The following CCSER1 variants were observed in gnomAD, a reference collection of about 807,000 sequenced individuals.
The protein encoded by CCSER1 is coiled-coil serine rich protein 1.
Under a neutral mutation model 82.0 loss-of-function variants are expected in CCSER1, and 41 were observed. The ratio of observed to expected loss-of-function variants is 0.50; its 90% confidence interval spans 0.39 to 0.65. The LOEUF is 0.65. CCSER1 is among the 30% of genes least tolerant of loss of function. The pLI, the probability that CCSER1 is intolerant of heterozygous loss-of-function variation, is 0.00. For synonymous variants in CCSER1, 414 were observed against 383.9 expected, an observed-to-expected ratio of 1.08 and a Z score of -0.92; for missense variants, 1,119 against 1,064.2, an observed-to-expected ratio of 1.05 and a Z score of -0.72.
At chr4:90,292,819 C>T (rs1170376429) in intron 1 of CCSER1, among the ~76,000 whole-genome samples, 1 of 151,766 alleles carries the variant, frequency 6.6e-6, no homozygotes, top group Non-Finnish European at 1.5e-5. Flanking sequence ...ATATTACTGC[C>T]TATACTGATT....
At chr4:91,178,235 G>A (rs1318200256) in intron 10 of CCSER1, among the ~76,000 whole-genome samples, 1 of 152,170 alleles carries the variant, frequency 6.6e-6, no homozygotes, top group Non-Finnish European at 1.5e-5. Flanking sequence ...CTCCAACTAT[G>A]TGGTCGGTTT....
intron 10 of CCSER1, among the ~76,000 whole-genome samples, chr4:91,381,791 T>A (rs1398239937): frequency 1.3e-5 from 2 of 152,234 alleles, no homozygotes; most frequent in Non-Finnish European, 2.9e-5. Flanking sequence ...GGTGAGGATC[T>A]GAGTTTCTTT....
intron 9 of CCSER1, among the ~76,000 whole-genome samples, chr4:91,072,163 A>C (rs1721505727): frequency 6.6e-6 from 1 of 152,192 alleles, no homozygotes. Context: ...TACCAAGATG[A>C]GAACTGCTAG....
chr4:90,398,565 TTTG>T (rs147596178), intron 3 of CCSER1, among the ~76,000 whole-genome samples: 3,653 of 152,228 alleles, frequency 0.024, 132 homozygotes, highest in African/African-American at 0.082. Flanking sequence ...TCAATTATGT[TTTG>T]TTGTTGTTGT....
intron 6 of CCSER1, among the ~76,000 whole-genome samples, chr4:90,635,463 C>A (rs1725258865): frequency 6.6e-6 from 1 of 151,440 alleles, no homozygotes; most frequent in African/African-American, 2.4e-5. Flanking sequence ...CTATATAACC[C>A]ACAGACGAAT....
intron 10 of CCSER1, among the ~76,000 whole-genome samples, chr4:91,562,607 T>C (rs2110257796): frequency 6.6e-6 from 1 of 151,670 alleles, no homozygotes; most frequent in Admixed American, 6.6e-5. Flanking sequence ...GTAGACCCAC[T>C]TAGACTCTAT....
intron 9 of CCSER1, among the ~76,000 whole-genome samples, chr4:90,952,584 G>C (rs1352814371): frequency 6.6e-6 from 1 of 152,002 alleles, no homozygotes; most frequent in Non-Finnish European, 1.5e-5. Context: ...AATGGGACTT[G>C]TTTACTATCT....
intron 10 of CCSER1, among the ~76,000 whole-genome samples, chr4:91,576,766 G>T (rs1763471085): frequency 1.3e-5 from 2 of 151,912 alleles, no homozygotes; most frequent in Non-Finnish European, 2.9e-5. Context: ...AGATCGGGGT[G>T]AAATTTTTCA....
chr4:90,391,475 TATATATATATACAC>T (rs1235408829), intron 3 of CCSER1, among the ~76,000 whole-genome samples: 19 of 90,694 alleles, frequency 2.1e-4, no homozygotes, highest in African/African-American at 1.0e-3. Flanking sequence ...TATATATATA[TATATATATATACAC>T]ACACACAGTG....
chr4:91,536,382 A>G (rs1761295858), intron 10 of CCSER1, among the ~76,000 whole-genome samples: 3 of 152,072 alleles, frequency 2.0e-5, no homozygotes, highest in Admixed American at 6.6e-5. Context: ...CATGATAGAG[A>G]GAGAGAGATA....
Position 91,367,195 on chromosome 4 carries a change from T to C in CCSER1, c.2218-231377T>C, listed in dbSNP as rs554754542. 1.6e-3 allele frequency among the ~76,000 whole-genome samples: 233 copies of C among 149,272 alleles called. 1 individual carries two copies. The highest frequency in any genetic ancestry group is 2.1e-3 in the Non-Finnish European group (142 of 67,494). On this transcript the variant is annotated intron_variant, in intron 10 of 10. Transcript: ENST00000509176. ...CGCTTGTTATGGTGGATTGAACCTG[T>C]AGTCGAAGCTACTTGGGGGGCTGAG...
chr4:90,457,072 T>C (rs1242685134), intron 4 of CCSER1, among the ~76,000 whole-genome samples: 1 of 152,196 alleles, frequency 6.6e-6, no homozygotes, highest in Non-Finnish European at 1.5e-5. Context: ...GTCCGGCCAC[T>C]GTGTACAACA....
At chr4:90,700,554 G>T (rs1354637764) in intron 6 of CCSER1, among the ~76,000 whole-genome samples, 1 of 152,190 alleles carries the variant, frequency 6.6e-6, no homozygotes, top group Non-Finnish European at 1.5e-5. Context: ...GATCCTTGAG[G>T]AATTGCCACA....
chr4:90,153,367 G>A (rs1284614110), intron 1 of CCSER1, among the ~76,000 whole-genome samples: 2 of 152,078 alleles, frequency 1.3e-5, no homozygotes, highest in Non-Finnish European at 1.5e-5. Context: ...TGTCTTTATA[G>A]CAGCATGATT....
At chr4:91,438,898 G>A (rs1013673653) in intron 10 of CCSER1, among the ~76,000 whole-genome samples, 6 of 152,088 alleles carry the variant, frequency 3.9e-5, no homozygotes, top group Non-Finnish European at 8.8e-5. Flanking sequence ...AAGATGAAAT[G>A]AACGAAATGA....
chr4:90,526,773 G>A (rs978360841), intron 5 of CCSER1, among the ~76,000 whole-genome samples: 3 of 152,296 alleles, frequency 2.0e-5, no homozygotes, highest in Admixed American at 6.5e-5. Context: ...GTCTATCACT[G>A]ATGGGCATTT....
chr4:90,665,511 T>C (rs4615145), intron 6 of CCSER1, among the ~76,000 whole-genome samples: 117,268 of 151,664 alleles, frequency 0.77, 45,505 homozygotes, highest in Middle Eastern at 0.82. Flanking sequence ...TTAGTAGAGA[T>C]GAGGTTTCAC....
At chr4:90,546,103 G>A (rs1487721643) in intron 5 of CCSER1, among the ~76,000 whole-genome samples, 1 of 146,094 alleles carries the variant, frequency 6.8e-6, no homozygotes, top group African/African-American at 2.6e-5. Flanking sequence ...ACACCCAGAA[G>A]CATTGGCTGA....
At chr4:90,661,770 T>C (rs1730831874) in intron 6 of CCSER1, among the ~76,000 whole-genome samples, 2 of 152,110 alleles carry the variant, frequency 1.3e-5, no homozygotes, top group African/African-American at 4.8e-5. Flanking sequence ...ACACTGTTTT[T>C]GTTCTTTAAA....
Sources: gnomAD v4.1 joint callset for allele counts (sites outside exome capture counted in the v4.1 genomes callset) on GRCh38, gnomAD v4.1.1 for gene constraint, MANE v1.5 for transcripts, NCBI Gene and HGNC (gene_info 2026-07-23, HGNC 2026-07-21) for gene names.